ADGRL2: variants seen among roughly 807,000 people sequenced by gnomAD.
ADGRL2 encodes the protein adhesion G protein-coupled receptor L2, also known as calcium-independent alpha-latrotoxin receptor 2.
ADGRL2 carries 44 observed loss-of-function variants against 157.4 expected under a neutral mutation model. The ratio of observed to expected loss-of-function variants is 0.28; its 90% CI spans 0.22 to 0.36. The LOEUF (loss-of-function observed/expected upper bound fraction) is 0.36. Among genes scored for constraint, ADGRL2 ranks in the 10% least tolerant of loss-of-function variants. ADGRL2 has a pLI of 1.00. For synonymous variants in ADGRL2, 585 were observed against 624.7 expected (o/e 0.94, Z 0.95); for missense variants, 1,510 against 1,768.9 (o/e 0.85, Z 2.63).
intron 3 of ADGRL2, among the ~76,000 whole-genome samples, chr1:81,609,497 A>T (rs914562882): frequency 6.6e-6 from 1 of 152,194 alleles, no homozygotes. Flanking sequence ...CTTGTTTTTG[A>T]TAAAAACAAG....
chr1:81,808,943 G>T (rs979277736), intron 1 of ADGRL2, among the ~76,000 whole-genome samples: 1 of 152,052 alleles, frequency 6.6e-6, no homozygotes, highest in Non-Finnish European at 1.5e-5. Context: ...GAAAATAGTT[G>T]AAAGGGGAGG....
intron 2 of ADGRL2, among the ~76,000 whole-genome samples, chr1:81,882,790 A>G (rs1470618224): frequency 2.0e-5 from 3 of 152,180 alleles, no homozygotes; most frequent in Admixed American, 6.5e-5. Context: ...GAGAAAGGCT[A>G]TGCAATCTCT....
In ADGRL2 at chr1:81,541,078, A is replaced by G. The variant is rs2079872271; in HGVS notation, c.-247-39798A>G. ...TATTGCCCCTGCCCTCTAGGAACTTATAATTTATTTGTGGGGGAACAGCTA... is the reference window on the plus strand; with the variant it reads ...TATTGCCCCTGCCCTCTAGGAACTTGTAATTTATTTGTGGGGGAACAGCTA... On this transcript the variant is annotated intron_variant, in intron 2 of 24. Transcript: ENST00000370721. Among the ~76,000 whole-genome samples, 3 of 152,168 alleles carry G rather than the reference A, an allele frequency of 2.0e-5. No homozygotes were observed. The South Asian group carries it at 6.2e-4, about 32-fold the overall frequency.
intron 3 of ADGRL2, among the ~76,000 whole-genome samples, chr1:81,679,862 CA>C (rs907912955): frequency 1.3e-5 from 2 of 151,726 alleles, no homozygotes; most frequent in East Asian, 3.9e-4. Context: ...AAGCAGAGAC[CA>C]AAAAAAATCA....
At chr1:81,657,277 G>A (rs780906513) in intron 3 of ADGRL2, among the ~76,000 whole-genome samples, 5 of 152,126 alleles carry the variant, frequency 3.3e-5, no homozygotes, top group Non-Finnish European at 4.4e-5. Context: ...AAAGAGGTCT[G>A]AGGGAGTTTG....
chr1:81,753,902 C>T (rs577418806), intron 1 of ADGRL2, among the ~76,000 whole-genome samples: 50 of 152,222 alleles, frequency 3.3e-4, no homozygotes, highest in Non-Finnish European at 5.6e-4. Flanking sequence ...TTAAAGGAGA[C>T]CATCTTTTGA....
At chr1:81,587,113 C>A (rs1159484431) in intron 3 of ADGRL2, among the ~76,000 whole-genome samples, 1 of 152,078 alleles carries the variant, frequency 6.6e-6, no homozygotes, top group Non-Finnish European at 1.5e-5. Context: ...AAGACAAGTT[C>A]TTCCTTCAAT....
chr1:81,981,742 C>A, intron 18 of ADGRL2, 66 bp from the exon 19 acceptor site: 3 of 1,267,946 alleles, frequency 2.4e-6, no homozygotes, highest in South Asian at 2.6e-5. Flanking sequence ...GATATGTTAA[C>A]ATTTAAGCGT....
intron 3 of ADGRL2, among the ~76,000 whole-genome samples, chr1:81,648,605 G>C (rs966680848): frequency 2.6e-5 from 4 of 152,118 alleles, no homozygotes; most frequent in African/African-American, 9.7e-5. Context: ...GCACTAGACG[G>C]GAGAGGGGAT....
At chr1:81,672,487 C>T (rs2082896168) in intron 3 of ADGRL2, among the ~76,000 whole-genome samples, 1 of 152,160 alleles carries the variant, frequency 6.6e-6, no homozygotes, top group East Asian at 1.9e-4. Flanking sequence ...TCTGCTCTGC[C>T]ATAATAACTA....
chr1:81,390,677 A>G (rs1435061968), intron 1 of ADGRL2, among the ~76,000 whole-genome samples: 1 of 152,308 alleles, frequency 6.6e-6, no homozygotes, highest in Non-Finnish European at 1.5e-5. Flanking sequence ...ATTATACTGT[A>G]CATTCCATAT....
intron 1 of ADGRL2, among the ~76,000 whole-genome samples, chr1:81,317,057 C>T (rs891564038): frequency 6.6e-6 from 1 of 151,922 alleles, no homozygotes; most frequent in South Asian, 2.1e-4. Flanking sequence ...ATTTTGCTTC[C>T]CTGGTGACAT....
upstream of ADGRL2, among the ~76,000 whole-genome samples, chr1:81,799,207 C>T (rs540249466): frequency 6.6e-6 from 1 of 152,278 alleles, no homozygotes; most frequent in East Asian, 1.9e-4. Flanking sequence ...AGGTTTTGCA[C>T]CAGCTCTGCA....
intron 2 of ADGRL2, among the ~76,000 whole-genome samples, chr1:81,494,905 G>T (rs545110484): frequency 1.3e-5 from 2 of 151,882 alleles, no homozygotes; most frequent in Non-Finnish European, 2.9e-5. Context: ...AAATTAATTC[G>T]CCCATGTAAA....
chr1:81,817,170 T>C (rs576045091), intron 1 of ADGRL2, among the ~76,000 whole-genome samples: 11 of 152,208 alleles, frequency 7.2e-5, no homozygotes, highest in African/African-American at 2.6e-4. Flanking sequence ...TTTTCATCAT[T>C]GTAGCATACA....
At chr1:81,342,820 A>G (rs181589462) in intron 1 of ADGRL2, among the ~76,000 whole-genome samples, 3 of 152,198 alleles carry the variant, frequency 2.0e-5, no homozygotes, top group African/African-American at 7.2e-5. Flanking sequence ...TCTGACACAG[A>G]GCTAATAGGT....
At chr1:81,726,678 A>T (rs1398341130) in intron 1 of ADGRL2, among the ~76,000 whole-genome samples, 1 of 152,166 alleles carries the variant, frequency 6.6e-6, no homozygotes, top group African/African-American at 2.4e-5. Context: ...GCACATGTTC[A>T]CTATACGTAC....
chr1:81,516,690 T>A (rs1425184274), intron 2 of ADGRL2, among the ~76,000 whole-genome samples: 3 of 152,232 alleles, frequency 2.0e-5, no homozygotes, highest in Non-Finnish European at 4.4e-5. Flanking sequence ...TAAATTGGAA[T>A]AATGTGAGTA....
chr1:81,549,116 C>T (rs2080085685), intron 2 of ADGRL2, among the ~76,000 whole-genome samples: 1 of 152,174 alleles, frequency 6.6e-6, no homozygotes, highest in African/African-American at 2.4e-5. Flanking sequence ...GAGACATTTG[C>T]AACGGCACCA....
Sources: allele counts gnomAD v4.1 joint callset (sites outside exome capture counted in the v4.1 genomes callset), GRCh38; gene constraint gnomAD v4.1.1; transcripts MANE v1.5; gene names NCBI Gene and HGNC (gene_info 2026-07-23, HGNC 2026-07-21).